Variants in ATP2B4 observed in about 807,000 individuals in gnomAD.
ATP2B4 encodes the protein plasma membrane calcium-transporting ATPase 4.
ATP2B4 carries 39 observed loss-of-function variants against 110.3 expected under a neutral mutation model. The observed-to-expected ratio is 0.35, with a 90% confidence interval of 0.27 to 0.46. The LOEUF (loss-of-function observed/expected upper bound fraction) is 0.46. Ranked by LOEUF, ATP2B4 falls within the 20% of genes least tolerant of loss-of-function variation. ATP2B4 has a pLI of 1.00. For missense variants in ATP2B4, 1,135 were observed against 1,530.9 expected (o/e 0.74, Z 4.32); for synonymous variants, 538 against 571.7 (o/e 0.94, Z 0.84).
At chr1:203,690,421 C>G (rs187375668) in intron 2 of ATP2B4, among the ~76,000 whole-genome samples, 17 of 152,278 alleles carry the variant, frequency 1.1e-4, no homozygotes, top group African/African-American at 4.1e-4. Context: ...GATAGGCAAA[C>G]ATATATTTTC....
Position 203,712,868 on chromosome 1 carries a change from G to A in ATP2B4, c.2212-297G>A, listed in dbSNP as rs114257192. 7.3e-3 allele frequency among the ~76,000 whole-genome samples: 1,111 copies of A among 152,122 alleles called. 15 individuals carry two copies. The highest frequency in any genetic ancestry group is 0.024 in the African/African-American group (1,009 of 41,482). ...CTCAGAAGCACCACTTTACCCACCC[G>A]AGCCAACAGCCAACCCTGGCCCACC... On this transcript the variant is annotated intron_variant, in intron 13 of 20. Coordinates refer to ENST00000357681, the MANE Select transcript of ATP2B4 (RefSeq NM_001684.5).
At chr1:203,721,449 G>C in intron 17 of ATP2B4, 39 bp downstream of exon 17, 1 of 1,593,816 alleles carries the variant, frequency 6.3e-7, no homozygotes, top group Non-Finnish European at 8.6e-7. Context: ...TGGGGTCCTG[G>C]TTGGAGGTGG....
chr1:203,722,819 C>T (rs1197730558), intron 18 of ATP2B4, 130 bp downstream of exon 18: 2 of 843,332 alleles, frequency 2.4e-6, no homozygotes. Context: ...AAGTTGAACA[C>T]TTTGGGATTC....
In ATP2B4 at chr1:203,658,488, G is replaced by T. The variant is rs139808749; in HGVS notation, c.-464-24254G>T. Reference sequence around the variant, plus strand: ...TCAGTCCGCAGTGAGCTATGATGGCGCCACTGCACTCCACCCTGGCCAACA... The same window carrying T: ...TCAGTCCGCAGTGAGCTATGATGGCTCCACTGCACTCCACCCTGGCCAACA... On this transcript the variant is annotated intron_variant, in intron 1 of 20. Transcript: ENST00000357681. Among the ~76,000 whole-genome samples, 176 of 151,002 alleles carry T rather than the reference G, an allele frequency of 1.2e-3. No individual in the cohort carries two copies. The East Asian group carries it at 0.014, about 12-fold the overall frequency.
At chr1:203,666,061 T>C (rs972986908) in intron 1 of ATP2B4, among the ~76,000 whole-genome samples, 1 of 152,218 alleles carries the variant, frequency 6.6e-6, no homozygotes, top group Non-Finnish European at 1.5e-5. Flanking sequence ...GTGGTCAGCC[T>C]ACCTGCTTTG....
chr1:203,700,096 A>C, intron 4 of ATP2B4, 110 bp from the exon 5 acceptor site: 21 of 1,263,734 alleles, frequency 1.7e-5, no homozygotes, highest in Non-Finnish European at 2.2e-5. Flanking sequence ...CTGTCTAGAT[A>C]GGGCCCATGG....
rs1261308976 is a variant in ATP2B4 at position 203,629,530 on chromosome 1, A to G, written c.-465+2311A>G. ...CGCCTGAGCCCGGGGTCGCGGCCAA[A>G]GGGGTAATCGGCTCCCGCAGTCTCA... is the stretch of plus-strand genomic sequence containing the variant. On this transcript the variant is annotated intron_variant, in intron 1 of 20. Transcript: ENST00000357681. This position sits in a 1 kb window ranked among gnomAD's most constrained non-coding sequence, Gnocchi z 4.6. 6.6e-6 allele frequency among the ~76,000 whole-genome samples: 1 copy of G among 152,064 alleles called. No homozygotes were observed. The highest frequency in any genetic ancestry group is 1.5e-5 in the Non-Finnish European group (1 of 67,976).
rs1275348234 is a variant in ATP2B4, at chr1:203,740,435, C to G, written c.*581C>G. On this transcript the variant is annotated 3_prime_UTR_variant, in exon 21 of 21. Transcript: ENST00000357681. The stretch of plus-strand genomic sequence containing the variant: ...AGTTCTTTGTCTTTTGTCTTCCCTT[C>G]CTTTCCTTTTTTTTTTTTTTTTTTA... 1 of 131,928 alleles carries G rather than the reference C, an allele frequency of 7.6e-6. No homozygotes were observed. Among genetic ancestry groups the G allele is most frequent in the African/African-American group, 3.0e-5 (1 of 33,754 alleles). The allele number at this position is 131,928 out of a possible 1,614,324, so 8.2% of individuals were successfully genotyped here.
At chr1:203,736,100 C>A (rs764144874) in intron 20 of ATP2B4, among the ~76,000 whole-genome samples, 2 of 152,234 alleles carry the variant, frequency 1.3e-5, no homozygotes, top group Non-Finnish European at 2.9e-5. Context: ...GTTTGTCCAA[C>A]CTTCATTAGA....
intron 6 of ATP2B4, among the ~76,000 whole-genome samples, chr1:203,701,315 A>G (rs1431997369): frequency 1.3e-5 from 2 of 152,190 alleles, no homozygotes; most frequent in Non-Finnish European, 2.9e-5. Context: ...CAAGACTAAG[A>G]GAAAATTGGC....
At chr1:203,655,704 C>G (rs1173718177) in intron 1 of ATP2B4, among the ~76,000 whole-genome samples, 1 of 151,778 alleles carries the variant, frequency 6.6e-6, no homozygotes, top group African/African-American at 2.4e-5. Context: ...GGAAAAAATG[C>G]TGTCAAATAG....
At chr1:203,719,930 A>C (rs1431356110) in intron 15 of ATP2B4, among the ~76,000 whole-genome samples, 1 of 151,930 alleles carries the variant, frequency 6.6e-6, no homozygotes, top group Non-Finnish European at 1.5e-5. Context: ...AAATTAACCA[A>C]GCAGGGTGAG....
intron 18 of ATP2B4, among the ~76,000 whole-genome samples, chr1:203,723,352 G>T (rs547459171): frequency 1.1e-4 from 15 of 136,608 alleles, no homozygotes; most frequent in Non-Finnish European, 1.8e-4. Flanking sequence ...CAATCCTCCC[G>T]CCTCCCAAAG....
chr1:203,709,478 A>T lies in ATP2B4; in HGVS notation c.1735A>T (p.Ile579Phe). 1 of 1,614,196 alleles carries T rather than the reference A, an allele frequency of 6.2e-7. No homozygotes were observed. Among genetic ancestry groups the T allele is most frequent in the Non-Finnish European group, 8.5e-7 (1 of 1,180,028 alleles). ...NSVRKSMSTVIRNPNGGFRMY... is the reference protein window; with the variant it reads ...NSVRKSMSTVFRNPNGGFRMY... ...AGTGCGCAAGTCAATGAGCACCGTC[A>T]TCAGGAATCCCAACGGTGGCTTCCG... The change falls in exon 11 of 21, where the codon ATC (isoleucine) becomes TTC (phenylalanine). Residue 579 changes from isoleucine to phenylalanine, a missense_variant. Ile to Phe is a conservative substitution (Grantham distance 21). This residue lies in a region of ATP2B4 where 368 missense variants were observed against 455.9 expected (regional missense o/e 0.81). Transcript: ENST00000357681.
intron 1 of ATP2B4, among the ~76,000 whole-genome samples, chr1:203,674,151 C>T (rs974807130): frequency 5.3e-5 from 8 of 152,142 alleles, no homozygotes; most frequent in Non-Finnish European, 8.8e-5. Context: ...TAGCAGTTAT[C>T]GTTGCTAACC....
chr1:203,632,210 GA>G (rs1016763029), intron 1 of ATP2B4, among the ~76,000 whole-genome samples: 184 of 140,744 alleles, frequency 1.3e-3, no homozygotes, highest in African/African-American at 4.4e-3. Context: ...TAGCCAAAAA[GA>G]AAAAAAAAAG....
At chr1:203,733,861 G>A (rs1018067550) in intron 20 of ATP2B4, among the ~76,000 whole-genome samples, 3 of 152,138 alleles carry the variant, frequency 2.0e-5, no homozygotes, top group Non-Finnish European at 2.9e-5. Context: ...GCAAAGTTTG[G>A]GATCTTTTGA....
In ATP2B4 at chr1:203,714,189, T is replaced by G. The variant is rs917690849; in HGVS notation, c.2318T>G (p.Val773Gly). 6.2e-7 allele frequency: 1 copy of G among 1,614,020 alleles called. No homozygotes were observed. Among genetic ancestry groups the G allele is most frequent in the African/African-American group, 1.3e-5 (1 of 74,916 alleles). Reference sequence around the variant, plus strand: ...CTCCCAGGCATAATTGACAGCACTGTTGGGGAACACCGGCAGGTCGTGGCT... The same window carrying G: ...CTCCCAGGCATAATTGACAGCACTGGTGGGGAACACCGGCAGGTCGTGGCT... ...TLVKGIIDST[V>G]GEHRQVVAVT... Residue 773 changes from valine to glycine, a missense_variant, in exon 15 of 21, where the codon GTT (valine) becomes GGT (glycine). Val to Gly is a moderately radical substitution (Grantham distance 109). Around this residue, in one of 9 missense-constraint regions of ATP2B4, gnomAD observed 368 missense variants for 455.9 expected, o/e 0.81. Coordinates refer to ENST00000357681, the MANE Select transcript of ATP2B4 (RefSeq NM_001684.5).
intron 2 of ATP2B4, among the ~76,000 whole-genome samples, chr1:203,696,141 G>A (rs1571732912): frequency 6.6e-6 from 1 of 152,094 alleles, no homozygotes; most frequent in African/African-American, 2.4e-5. Flanking sequence ...TGGCCAGGCT[G>A]GTTTCAAACT....
Sources: allele counts gnomAD v4.1 joint callset (sites outside exome capture counted in the v4.1 genomes callset), GRCh38; gene constraint gnomAD v4.1.1; regional missense constraint gnomAD v4.1.1; non-coding constraint Gnocchi (gnomAD v3.1); transcripts MANE v1.5; gene names NCBI Gene and HGNC (gene_info 2026-07-23, HGNC 2026-07-21).